COL6A5: variants seen among roughly 807,000 people sequenced by gnomAD.
The protein encoded by COL6A5 is collagen type VI alpha 5 chain.
COL6A5 carries 48 observed loss-of-function variants against 65.6 expected under a neutral mutation model. The ratio of observed to expected loss-of-function variants is 0.73; its 90% CI spans 0.58 to 0.93. The LOEUF is 0.93. Among genes scored for constraint, COL6A5 ranks in the 40% least tolerant of loss-of-function variants. The pLI, the probability that COL6A5 is intolerant of heterozygous loss-of-function variation, is 0.00. For synonymous variants in COL6A5, 291 were observed against 322.8 expected (o/e 0.90, Z 1.05); for missense variants, 914 against 928.3 (o/e 0.98, Z 0.20).
At chr3:130,477,150 C>A in intron 7 of COL6A5, 2 of 1,217,634 alleles carry the variant, frequency 1.6e-6, no homozygotes, top group Non-Finnish European at 2.3e-6. Context: ...GTAAGTTTAC[C>A]TTAAAGTTAG....
upstream of COL6A5, among the ~76,000 whole-genome samples, chr3:130,428,830 C>T (rs371967595): frequency 2.6e-5 from 4 of 152,194 alleles, no homozygotes; most frequent in East Asian, 1.9e-4. Flanking sequence ...CACTGTTGCA[C>T]GACAGCAAGA....
chr3:130,443,706 A>C (rs1709241261), intron 4 of COL6A5, 140 bp downstream of exon 36: 2 of 497,220 alleles, frequency 4.0e-6, no homozygotes, highest in Non-Finnish European at 3.6e-6. Context: ...TTTCCATAGC[A>C]GAAATTACAT....
intron 7 of COL6A5, 124 bp downstream of exon 7, chr3:130,391,878 A>G (rs916996039): frequency 1.8e-5 from 14 of 772,226 alleles, no homozygotes; most frequent in African/African-American, 1.1e-4. Flanking sequence ...TGCTCAGGCT[A>G]TCAGTTTTCT....
In COL6A5 at chr3:130,368,534, T is replaced by A. The variant is rs545637200; in HGVS notation, c.-28-5077T>A. ...TTAGTGGTCGGTGTGTATGTGTGAGTGTGTGTGAGAGAGTGTGTGTGTGTG... is the reference window on the plus strand; with the variant it reads ...TTAGTGGTCGGTGTGTATGTGTGAGAGTGTGTGAGAGAGTGTGTGTGTGTG... On this transcript the variant is annotated intron_variant and NMD_transcript_variant, in intron 1 of 41. Coordinates refer to the COL6A5 transcript ENST00000312481. 2.7e-5 allele frequency among the ~76,000 whole-genome samples: 4 copies of A among 148,244 alleles called. 1 individual carries two copies. The South Asian group carries it at 8.5e-4, about 31-fold the overall frequency.
chr3:130,440,851 T>C (rs751506063), intron 3 of COL6A5, 26 bp downstream of exon 35: 9 of 1,525,446 alleles, frequency 5.9e-6, no homozygotes. Flanking sequence ...ATTGTTTGTC[T>C]TTTTTTTAAT....
chr3:130,454,375 A>G (rs1709516789), intron 4 of COL6A5, among the ~76,000 whole-genome samples: 1 of 152,168 alleles, frequency 6.6e-6, no homozygotes, highest in Non-Finnish European at 1.5e-5. Flanking sequence ...CTACTGCAAA[A>G]TTATTCACAC....
exon 6 of COL6A5, chr3:130,388,892 GT>G: frequency 1.3e-6 from 2 of 1,548,392 alleles, no homozygotes; most frequent in Non-Finnish European, 1.7e-6. Context: ...AAGGGGGCCC[GT>G]TTGGGGGCCA....
chr3:130,425,340 A>G (rs891272559), intron 29 of COL6A5, among the ~76,000 whole-genome samples: 1 of 152,176 alleles, frequency 6.6e-6, no homozygotes, highest in African/African-American at 2.4e-5. Context: ...CATTTAGAAC[A>G]GAGGTTCTTA....
upstream of COL6A5, chr3:130,431,200 C>T: frequency 4.4e-6 from 3 of 678,604 alleles, no homozygotes; most frequent in South Asian, 3.0e-5. Flanking sequence ...CCACCAATTT[C>T]ATTTTACACA....
chr3:130,457,071 T>TG (rs1201522357), intron 5 of COL6A5, among the ~76,000 whole-genome samples: 3 of 151,610 alleles, frequency 2.0e-5, no homozygotes, highest in Non-Finnish European at 4.4e-5. Context: ...TTAAAACTTT[T>TG]TTTATTTTCA....
intron 1 of COL6A5, among the ~76,000 whole-genome samples, chr3:130,346,466 A>T (rs959973863): frequency 6.6e-5 from 10 of 152,168 alleles, no homozygotes; most frequent in African/African-American, 2.4e-4. Flanking sequence ...AAGGCATTAG[A>T]TACTGGGGTG....
rs777133395 is a variant in COL6A5 at position 130,484,071 on chromosome 3, G to T, written c.*30G>T. The T allele has an allele frequency of 9.3e-6, 15 of 1,604,818 alleles. No individual in the cohort carries two copies. In the South Asian group the frequency reaches 1.7e-4, roughly 18 times the overall value. The stretch of plus-strand genomic sequence containing the variant: ...ACAAGGTCATCATAGGAGAAAAGAA[G>T]ATAGCTCCACTGACATGTATAATCC... On this transcript the variant is annotated 3_prime_UTR_variant, in exon 8 of 8. Coordinates refer to ENST00000512836, the Ensembl canonical transcript of COL6A5.
chr3:130,440,535 C>T (rs755085937), exon 3 of COL6A5: 1 of 1,613,688 alleles, frequency 6.2e-7, no homozygotes, highest in Non-Finnish European at 8.5e-7. Context: ...CTGTGGACCA[C>T]TGAAAATCTT....
chr3:130,455,534 C>T (rs929045772), exon 5 of COL6A5: 3 of 1,612,740 alleles, frequency 1.9e-6, no homozygotes, highest in Non-Finnish European at 2.5e-6. Flanking sequence ...GAGAGAATCA[C>T]CTTTTGTAAA....
chr3:130,440,721 C>T, exon 3 of COL6A5: 1 of 1,613,146 alleles, frequency 6.2e-7, no homozygotes, highest in African/African-American at 1.3e-5. Context: ...GAGGAGTTAG[C>T]CAGCTACCCA....
At chr3:130,477,128 T>C in intron 7 of COL6A5, 13 of 1,375,670 alleles carry the variant, frequency 9.4e-6, no homozygotes, top group Middle Eastern at 1.8e-4. Context: ...TCATACTCTA[T>C]GTTTATAGAA....
chr3:130,469,409 C>G (rs766126720), exon 6 of COL6A5: 1 of 1,613,036 alleles, frequency 6.2e-7, no homozygotes, highest in Non-Finnish European at 8.5e-7. Context: ...CTTGGTCCAA[C>G]TTGGCCGAAC....
intron 5 of COL6A5, among the ~76,000 whole-genome samples, chr3:130,387,132 A>G (rs35388315): frequency 0.18 from 28,010 of 151,942 alleles, 3,068 homozygotes; most frequent in African/African-American, 0.31. Context: ...CATCCATGGA[A>G]AGGGAGAAAG....
intron 2 of COL6A5, among the ~76,000 whole-genome samples, chr3:130,375,130 CTCT>C (rs768321369): frequency 1.4e-4 from 22 of 152,168 alleles, no homozygotes; most frequent in Non-Finnish European, 2.4e-4. Context: ...CCTTACCAGA[CTCT>C]TCTTATCTGG....
Sources: allele counts gnomAD v4.1 joint callset (sites outside exome capture counted in the v4.1 genomes callset), GRCh38; gene constraint gnomAD v4.1.1; transcripts MANE v1.5; gene names NCBI Gene and HGNC (gene_info 2026-07-23, HGNC 2026-07-21).